Variants in IRAK3 observed in about 807,000 individuals in gnomAD.
IRAK3 encodes the protein interleukin 1 receptor associated kinase 3.
IRAK3 carries 57 observed loss-of-function variants against 56.6 expected under a neutral mutation model. That is an observed-to-expected ratio of 1.01 (90% confidence interval 0.81 to 1.26). The LOEUF (loss-of-function observed/expected upper bound fraction) is 1.26, where lower values mean the gene tolerates loss of function less well. Among genes scored for constraint, IRAK3 ranks in the 50% most tolerant of loss-of-function variants. IRAK3 has a pLI of 0.00. For synonymous variants in IRAK3, 258 were observed against 255.7 expected (o/e 1.01, Z -0.09); for missense variants, 703 against 719.0 (o/e 0.98, Z 0.25).
rs747951506 is a variant in IRAK3, at chr12:66,244,482, T to C, written c.888-4T>C. 6.2e-7 allele frequency: 1 copy of C among 1,613,256 alleles called. No individual in the cohort carries two copies. Among genetic ancestry groups the C allele is most frequent in the East Asian group, 2.2e-5 (1 of 44,868 alleles). ...GTCTTGTTTGTCCCTGATCACAATT[T>C]TAGTGCAAACATCCTTTTGGATGAT... On this transcript the variant is annotated splice_region_variant and splice_polypyrimidine_tract_variant and intron_variant, in intron 8 of 11. Transcript: ENST00000261233.
chr12:66,245,072 A>C (rs1269770261), intron 10 of IRAK3, 26 bp from the exon 11 acceptor site: 1 of 1,614,042 alleles, frequency 6.2e-7, no homozygotes, highest in Non-Finnish European at 8.5e-7. Flanking sequence ...GTTCTCTGTG[A>C]TAAAATTGTC....
chr12:66,219,221 T>G (rs2052707472), intron 6 of IRAK3, among the ~76,000 whole-genome samples: 3 of 152,346 alleles, frequency 2.0e-5, no homozygotes, highest in African/African-American at 7.2e-5. Context: ...TACCCTGATA[T>G]GGTTTGGTTC....
chr12:66,201,639 C>T (rs2052508905), intron 1 of IRAK3, among the ~76,000 whole-genome samples: 1 of 152,176 alleles, frequency 6.6e-6, no homozygotes, highest in African/African-American at 2.4e-5. Context: ...TAAATTTTTG[C>T]TTGAAGAATC....
chr12:66,213,199 TA>T lies in IRAK3; in HGVS notation c.588+1606del, dbSNP rs563533606. On this transcript the variant is annotated intron_variant, in intron 5 of 11. Transcript: ENST00000261233. Reference sequence around the variant, plus strand: ...AGTTGTGCAGGGAAACTCCCATTTTTAAAACCATCAGATCTTGTGAGACTTA... The same window carrying T: ...AGTTGTGCAGGGAAACTCCCATTTTTAAACCATCAGATCTTGTGAGACTTA... Among the ~76,000 whole-genome samples, 805 of 152,252 alleles carry T rather than the reference TA, an allele frequency of 5.3e-3. 19 individuals carry two copies. The highest frequency in any genetic ancestry group is 0.019 in the African/African-American group (774 of 41,536).
At chr12:66,232,365 A>G (rs1346037699) in intron 8 of IRAK3, among the ~76,000 whole-genome samples, 1 of 152,174 alleles carries the variant, frequency 6.6e-6, no homozygotes, top group East Asian at 1.9e-4. Context: ...AAAGCAAATC[A>G]GTCCCTTCCA....
At chr12:66,216,731 A>C (rs1478550570) in intron 5 of IRAK3, among the ~76,000 whole-genome samples, 1 of 152,216 alleles carries the variant, frequency 6.6e-6, no homozygotes. Flanking sequence ...TCAAAAGGCA[A>C]AGGTAAACTT....
chr12:66,245,300 C>G (rs774481333), intron 11 of IRAK3, 38 bp downstream of exon 11: 1 of 1,600,284 alleles, frequency 6.2e-7, no homozygotes, highest in Admixed American at 1.7e-5. Flanking sequence ...ACTGAGCCCA[C>G]AGAACCATGG....
At chr12:66,222,983 G>A (rs2052750109) in intron 6 of IRAK3, among the ~76,000 whole-genome samples, 1 of 151,796 alleles carries the variant, frequency 6.6e-6, no homozygotes, top group African/African-American at 2.4e-5. Context: ...TAGGATTTGA[G>A]TAGGTAAAGG....
intron 4 of IRAK3, 29 bp downstream of exon 4, chr12:66,210,230 A>G (rs756392615): frequency 7.3e-7 from 1 of 1,369,838 alleles, no homozygotes; most frequent in Non-Finnish European, 1.0e-6. Context: ...TTTTCCAACA[A>G]TTTTTTTAAA....
chr12:66,247,091 G>A (rs181770775), intron 11 of IRAK3, among the ~76,000 whole-genome samples: 6 of 152,042 alleles, frequency 3.9e-5, no homozygotes, highest in Admixed American at 2.0e-4. Flanking sequence ...CCAACATGGC[G>A]AAACCCCATC....
At chr12:66,247,357 C>T (rs910924930) in intron 11 of IRAK3, among the ~76,000 whole-genome samples, 1 of 152,184 alleles carries the variant, frequency 6.6e-6, no homozygotes, top group Non-Finnish European at 1.5e-5. Flanking sequence ...CCACCATTTC[C>T]TTATTCCCTT....
At chr12:66,240,358 A>G (rs1459259914) in intron 8 of IRAK3, among the ~76,000 whole-genome samples, 1 of 152,186 alleles carries the variant, frequency 6.6e-6, no homozygotes, top group African/African-American at 2.4e-5. Flanking sequence ...AGGCACCAAC[A>G]AGCAAAAACA....
In IRAK3 at chr12:66,227,104, T is replaced by A. The variant is rs577256610; in HGVS notation, c.768+267T>A. ...TATGGTAAGAACCCAGCAAATCTTT[T>A]GGCAACCATGTTATATTATATTTGA... On this transcript the variant is annotated intron_variant, in intron 7 of 11. Transcript: ENST00000261233. 2.6e-5 allele frequency among the ~76,000 whole-genome samples: 4 copies of A among 152,342 alleles called. No homozygotes were observed. The East Asian group carries it at 5.8e-4, about 22-fold the overall frequency.
chr12:66,215,767 C>A (rs2052664650), intron 5 of IRAK3, among the ~76,000 whole-genome samples: 1 of 130,058 alleles, frequency 7.7e-6, no homozygotes, highest in Admixed American at 8.0e-5. Flanking sequence ...TATCTCCGCC[C>A]CCTATTTTAA....
chr12:66,245,868 T>A lies in IRAK3; in HGVS notation c.1314+606T>A, dbSNP rs959683494. Among the ~76,000 whole-genome samples, 6 of 152,254 alleles carry A rather than the reference T, an allele frequency of 3.9e-5. 1 individual carries two copies. The highest frequency in any genetic ancestry group is 3.9e-4 in the Admixed American group (6 of 15,294). On this transcript the variant is annotated intron_variant, in intron 11 of 11. Coordinates refer to ENST00000261233, the MANE Select transcript of IRAK3 (RefSeq NM_007199.3). ...ATTTTCCTTATCCATTTTTTTAAAT[T>A]TATTAATCTATCCATAGACTTAATC...
intron 5 of IRAK3, among the ~76,000 whole-genome samples, chr12:66,216,408 CT>C (rs773474631): frequency 1.3e-5 from 2 of 152,124 alleles, no homozygotes; most frequent in Non-Finnish European, 2.9e-5. Flanking sequence ...ATTTCTCTCC[CT>C]TTATTCCTGA....
rs747258952 is a variant in IRAK3 at position 66,211,524 on chromosome 12, GAGA to G, written c.518_520del (p.Glu173del). The stretch of plus-strand genomic sequence containing the variant: ...AATTTCCACAAAGACTTCCTAATTG[GAGA>G]AGGAGAGATTTTTGAGGTATACAGA... On this transcript the variant is annotated inframe_deletion, in exon 5 of 12. Coordinates refer to ENST00000261233, the MANE Select transcript of IRAK3 (RefSeq NM_007199.3). The G allele has an allele frequency of 5.0e-6, 8 of 1,609,416 alleles. No individual in the cohort carries two copies. The highest frequency in any genetic ancestry group is 1.1e-5 in the South Asian group (1 of 90,964).
intron 2 of IRAK3, among the ~76,000 whole-genome samples, chr12:66,207,854 TG>T (rs1315154736): frequency 6.6e-6 from 1 of 152,224 alleles, no homozygotes; most frequent in African/African-American, 2.4e-5. Context: ...GCTGCTGATT[TG>T]TGCTTGTATT....
At chr12:66,230,114 G>A (rs1412301019) in intron 8 of IRAK3, among the ~76,000 whole-genome samples, 1 of 152,166 alleles carries the variant, frequency 6.6e-6, no homozygotes, top group Admixed American at 6.5e-5. Context: ...GCAGAGGCAA[G>A]CTCTGCCCAT....
Sources: allele counts gnomAD v4.1 joint callset (sites outside exome capture counted in the v4.1 genomes callset), GRCh38; gene constraint gnomAD v4.1.1; transcripts MANE v1.5; gene names NCBI Gene and HGNC (gene_info 2026-07-23, HGNC 2026-07-21).